Variants in TMEFF1 observed in about 807,000 individuals in gnomAD.
TMEFF1 encodes tomoregulin-1.
A neutral mutation model predicts 47.5 loss-of-function variants in TMEFF1; 20 were observed. The ratio of observed to expected loss-of-function variants is 0.42; its 90% CI spans 0.30 to 0.61. TMEFF1 has a LOEUF of 0.61. Among genes scored for constraint, TMEFF1 ranks in the 20% least tolerant of loss-of-function variants. TMEFF1 has a pLI of 0.19. For missense variants in TMEFF1, 411 were observed against 471.1 expected (o/e 0.87, Z 1.18); for synonymous variants, 162 against 166.3 (o/e 0.97, Z 0.20).
chr9:100,508,775 T>C (rs995469897), intron 2 of TMEFF1, among the ~76,000 whole-genome samples: 4 of 151,966 alleles, frequency 2.6e-5, no homozygotes, highest in African/African-American at 9.7e-5. Context: ...ATGAAGTAGA[T>C]AGAGATTTTC....
At chr9:100,492,475 A>G (rs1402056069) in intron 1 of TMEFF1, among the ~76,000 whole-genome samples, 1 of 152,204 alleles carries the variant, frequency 6.6e-6, no homozygotes, top group Non-Finnish European at 1.5e-5. Context: ...TAAAGTGCTC[A>G]TGGATGTTCT....
At chr9:100,570,681 C>T (rs1426546419) in intron 8 of TMEFF1, among the ~76,000 whole-genome samples, 2 of 151,834 alleles carry the variant, frequency 1.3e-5, no homozygotes, top group Non-Finnish European at 2.9e-5. Flanking sequence ...AAGCGTAGAG[C>T]CCAATGTGAA....
At chr9:100,561,097 A>G (rs1839005289) in intron 7 of TMEFF1, among the ~76,000 whole-genome samples, 1 of 152,172 alleles carries the variant, frequency 6.6e-6, no homozygotes. Context: ...TTCTTTAGCA[A>G]AGGTGTTTAG....
intron 1 of TMEFF1, among the ~76,000 whole-genome samples, chr9:100,489,401 G>C (rs1035398566): frequency 6.6e-6 from 1 of 152,058 alleles, no homozygotes; most frequent in South Asian, 2.1e-4. Context: ...ATGTTGCCCA[G>C]ACTGATCTCA....
chr9:100,571,377 G>A (rs1839235989), intron 8 of TMEFF1, among the ~76,000 whole-genome samples: 1 of 152,014 alleles, frequency 6.6e-6, no homozygotes, highest in African/African-American at 2.4e-5. Flanking sequence ...GATAATGCTA[G>A]CTATATTATA....
chr9:100,566,464 C>T (rs888933387), intron 8 of TMEFF1, among the ~76,000 whole-genome samples: 1 of 152,144 alleles, frequency 6.6e-6, no homozygotes, highest in Non-Finnish European at 1.5e-5. Context: ...ATTCCAACTC[C>T]ATCTTTTCAG....
intron 8 of TMEFF1, among the ~76,000 whole-genome samples, chr9:100,567,226 G>A (rs1386291254): frequency 6.6e-6 from 1 of 152,142 alleles, no homozygotes; most frequent in African/African-American, 2.4e-5. Flanking sequence ...CCACTTTAGG[G>A]GACTTGCACT....
chr9:100,529,286 C>T (rs1219474437), intron 5 of TMEFF1, among the ~76,000 whole-genome samples: 1 of 151,332 alleles, frequency 6.6e-6, no homozygotes, highest in Non-Finnish European at 1.5e-5. Context: ...AATTAAAAGA[C>T]ACAGACTGGC....
chr9:100,548,066 T>C (rs1463562324), intron 6 of TMEFF1, among the ~76,000 whole-genome samples, 174 bp downstream of exon 6: 2 of 152,088 alleles, frequency 1.3e-5, no homozygotes, highest in African/African-American at 4.8e-5. Flanking sequence ...TTTCATTATT[T>C]TCATCTTCTC....
chr9:100,480,442 A>G (rs1452721566), intron 1 of TMEFF1, among the ~76,000 whole-genome samples: 1 of 152,242 alleles, frequency 6.6e-6, no homozygotes, highest in Non-Finnish European at 1.5e-5. Context: ...AGTTGTTTTT[A>G]TGAAATGCTT....
intron 1 of TMEFF1, among the ~76,000 whole-genome samples, chr9:100,478,472 C>T (rs1271230621): frequency 1.3e-5 from 2 of 152,156 alleles, no homozygotes; most frequent in African/African-American, 4.8e-5. Context: ...TGCCACCACA[C>T]TCGGCTAATT....
At chr9:100,520,478 T>TA (rs1243575266) in intron 5 of TMEFF1, among the ~76,000 whole-genome samples, 2 of 152,206 alleles carry the variant, frequency 1.3e-5, no homozygotes, top group African/African-American at 2.4e-5. Flanking sequence ...TAATGGTTGT[T>TA]AAAAAAATCT....
At position 100,547,847 on chromosome 9, in the gene TMEFF1, A is replaced by G; in HGVS notation, c.664A>G (p.Ile222Val). ...CTGTTTTGTTCGAGAAGCATCTTGT[A>G]TAAAGCAAGAACAAATTGATATAAG... Reference protein sequence around the residue: ...NPCFVREASCIKQEQIDIRHL... With the variant: ...NPCFVREASCVKQEQIDIRHL... The change falls in exon 6 of 10, where the codon ATA becomes GTA. Residue 222 changes from isoleucine to valine, a missense_variant. Physicochemically the swap from Ile to Val is conservative, Grantham distance 29 (BLOSUM62 3). Coordinates refer to ENST00000374879, the MANE Select transcript of TMEFF1 (RefSeq NM_003692.5). 1.2e-6 allele frequency: 2 copies of G among 1,609,320 alleles called. No homozygotes were observed. The highest frequency in any genetic ancestry group is 8.5e-7 in the Non-Finnish European group (1 of 1,178,504).
rs144193291 is a variant in TMEFF1, at chr9:100,537,511, C to T, written c.561-10233C>T. On this transcript the variant is annotated intron_variant, in intron 5 of 9. Transcript: ENST00000374879. ...GCTCAGCCCAGGTAATAACCACTCACCCATGAGATGTACTGCCTTGGTGAG... is the reference window on the plus strand; with the variant it reads ...GCTCAGCCCAGGTAATAACCACTCATCCATGAGATGTACTGCCTTGGTGAG... Among the ~76,000 whole-genome samples the T allele has an allele frequency of 4.6e-5, 7 of 152,300 alleles. No homozygotes were observed. In the East Asian group the frequency reaches 1.3e-3, roughly 29 times the overall value.
chr9:100,552,103 G>A (rs1315878371), intron 7 of TMEFF1, among the ~76,000 whole-genome samples: 1 of 152,158 alleles, frequency 6.6e-6, no homozygotes, highest in Non-Finnish European at 1.5e-5. Context: ...GAAGTAGAAG[G>A]CAAGACTAGA....
intron 5 of TMEFF1, among the ~76,000 whole-genome samples, chr9:100,523,067 G>A (rs1470623892): frequency 6.6e-6 from 1 of 152,208 alleles, no homozygotes; most frequent in Non-Finnish European, 1.5e-5. Flanking sequence ...TCCTTTGACA[G>A]TTGCCAGTAA....
chr9:100,483,864 C>T lies in TMEFF1; in HGVS notation c.196+10124C>T, dbSNP rs375584721. Among the ~76,000 whole-genome samples the T allele has an allele frequency of 7.9e-5, 12 of 151,796 alleles. No homozygotes were observed. The East Asian group carries it at 1.7e-3, about 22-fold the overall frequency. On this transcript the variant is annotated intron_variant, in intron 1 of 9. Coordinates refer to ENST00000374879, the MANE Select transcript of TMEFF1 (RefSeq NM_003692.5). ...GAGAGGGTTAATTTATGTTTTAGTT[C>T]CATACTTTAAATTTTTTGTTTTGTC... is the stretch of plus-strand genomic sequence containing the variant.
rs184588443 is a variant in TMEFF1, at chr9:100,503,078, C to G, written c.306+4204C>G. ...TTATTGCCAGCTTAAAAATAATGACCTGACATGCCCATTAAACCCTTCTCT... is the reference window on the plus strand; with the variant it reads ...TTATTGCCAGCTTAAAAATAATGACGTGACATGCCCATTAAACCCTTCTCT... On this transcript the variant is annotated intron_variant, in intron 2 of 9. Transcript: ENST00000374879. 3.3e-3 allele frequency among the ~76,000 whole-genome samples: 496 copies of G among 152,244 alleles called. 13 individuals carry two copies. The highest frequency in any genetic ancestry group is 0.03 in the Admixed American group (455 of 15,288).
chr9:100,473,522 C>T lies in TMEFF1; in HGVS notation c.-23C>T, dbSNP rs1837158896. 7.1e-7 allele frequency: 1 copy of T among 1,403,104 alleles called. No homozygotes were observed. Among genetic ancestry groups the T allele is most frequent in the Non-Finnish European group, 9.3e-7 (1 of 1,080,826 alleles). The allele number at this position is 1,403,104 out of a possible 1,614,324, so 86.9% of individuals were successfully genotyped here. A position where few individuals can be genotyped will look rare whatever the true frequency, so the allele number is the denominator to read the frequency against. On this transcript the variant is annotated 5_prime_UTR_variant, in exon 1 of 10. Coordinates refer to ENST00000374879, the MANE Select transcript of TMEFF1 (RefSeq NM_003692.5). The surrounding 1 kb of genome is among the most constrained non-coding windows in gnomAD (Gnocchi z 5.4). ...CCCCGGCCTGCGGCTCCCTGCGCTT[C>T]CCGCCGTCCAGGGGCACCAGTCATG...
Sources: gnomAD v4.1 joint callset for allele counts (sites outside exome capture counted in the v4.1 genomes callset) on GRCh38, gnomAD v4.1.1 for gene constraint, Gnocchi (gnomAD v3.1) non-coding constraint, MANE v1.5 for transcripts, NCBI Gene and HGNC (gene_info 2026-07-23, HGNC 2026-07-21) for gene names.